DPY19L3: variants seen among roughly 807,000 people sequenced by gnomAD.
The protein encoded by DPY19L3 is dpy-19 like C-mannosyltransferase 3.
In DPY19L3, 51 loss-of-function variants were observed where a neutral mutation model predicts 92.3. That is an observed-to-expected ratio of 0.55 (90% confidence interval 0.44 to 0.70). The LOEUF (loss-of-function observed/expected upper bound fraction) is 0.70, where lower values mean the gene tolerates loss of function less well. DPY19L3 is among the 30% of genes least tolerant of loss of function. The pLI, the probability that DPY19L3 is intolerant of heterozygous loss-of-function variation, is 0.00. For synonymous variants in DPY19L3, 309 were observed against 315.2 expected (o/e 0.98, Z 0.21); for missense variants, 706 against 855.9 (o/e 0.82, Z 2.18).
At chr19:32,458,832 A>G (rs1175580943) in intron 12 of DPY19L3, among the ~76,000 whole-genome samples, 1 of 152,192 alleles carries the variant, frequency 6.6e-6, no homozygotes, top group Admixed American at 6.5e-5. Context: ...TCTACAGGAT[A>G]TTTGAGAAAT....
chr19:32,469,514 GAAAAA>G (rs1397834465), intron 16 of DPY19L3, among the ~76,000 whole-genome samples: 5 of 149,612 alleles, frequency 3.3e-5, no homozygotes, highest in African/African-American at 9.8e-5. Context: ...AAAAAAGAAA[GAAAAA>G]AGAAAAAATA....
chr19:32,416,865 C>G (rs1968395790), intron 3 of DPY19L3, among the ~76,000 whole-genome samples: 2 of 152,216 alleles, frequency 1.3e-5, no homozygotes, highest in African/African-American at 4.8e-5. Context: ...ATCTCCAGCC[C>G]TTTTCTGCTC....
At chr19:32,480,138 T>G (rs1458049098) in intron 17 of DPY19L3, among the ~76,000 whole-genome samples, 1 of 152,230 alleles carries the variant, frequency 6.6e-6, no homozygotes, top group African/African-American at 2.4e-5. Context: ...AATATAGTCC[T>G]GACTTGAAGT....
chr19:32,433,841 C>G (rs1969048553), intron 4 of DPY19L3, among the ~76,000 whole-genome samples: 1 of 152,162 alleles, frequency 6.6e-6, no homozygotes, highest in South Asian at 2.1e-4. Flanking sequence ...CCAGATTCAT[C>G]CATAATAAGG....
At position 32,436,541 on chromosome 19, in the gene DPY19L3, AT is replaced by A; in HGVS notation, c.428del (p.Leu143TyrfsTer11). The A allele has an allele frequency of 6.4e-7, 1 of 1,574,734 alleles. No homozygotes were observed. Among genetic ancestry groups the A allele is most frequent in the Admixed American group, 1.8e-5 (1 of 56,776 alleles). On this transcript the variant is annotated frameshift_variant, in exon 5 of 19. Transcript: ENST00000392250. LOFTEE classifies it high-confidence loss of function. ...TATTTACCAAGAGGTTTTTCTCAGT[AT>A]TTTATATAGAGTTCTACCCATACAG... is the stretch of plus-strand genomic sequence containing the variant. Reference protein sequence around the residue: ...MNIYQEVFLSILYRVLPIQKY... With the variant: ...MNIYQEVFLSXLYRVLPIQKY...
Position 32,464,745 on chromosome 19 carries a change from T to C in DPY19L3, c.1575T>C (p.Tyr525=), listed in dbSNP as rs768718542. The change falls in exon 15 of 19, where the codon TAT becomes TAC. Residue 525 remains tyrosine (Y), a synonymous_variant. Transcript: ENST00000392250. Reference sequence around the variant, plus strand: ...TTATATAGATATGTATAATGCGATATTCAGTACCGATATTAATACTGCTGT... The same window carrying C: ...TTATATAGATATGTATAATGCGATACTCAGTACCGATATTAATACTGCTGT... ...YNPKRICIMR[Y]SVPILILLYL... 1 of 1,523,060 alleles carries C rather than the reference T, an allele frequency of 6.6e-7. No homozygotes were observed. Among genetic ancestry groups the C allele is most frequent in the Non-Finnish European group, 8.9e-7 (1 of 1,120,990 alleles). The allele number at this position is 1,523,060 out of a possible 1,614,324, so 94.3% of individuals were successfully genotyped here.
chr19:32,420,067 C>T (rs1296756942), intron 3 of DPY19L3, among the ~76,000 whole-genome samples: 1 of 151,548 alleles, frequency 6.6e-6, no homozygotes, highest in Non-Finnish European at 1.5e-5. Flanking sequence ...ACCATCTTGG[C>T]CAGGATGGTC....
At chr19:32,430,663 C>G (rs2058003384) in intron 3 of DPY19L3, among the ~76,000 whole-genome samples, 1 of 151,854 alleles carries the variant, frequency 6.6e-6, no homozygotes, top group Non-Finnish European at 1.5e-5. Context: ...CTCTATCATC[C>G]AGGCTGGAGT....
intron 9 of DPY19L3, among the ~76,000 whole-genome samples, chr19:32,454,577 A>G (rs1969807213): frequency 6.6e-6 from 1 of 151,730 alleles, no homozygotes; most frequent in African/African-American, 2.4e-5. Flanking sequence ...CCGTCTCAAA[A>G]GAAAAAGAAA....
In DPY19L3 at chr19:32,485,059, A is replaced by C. The variant is rs1222617446; in HGVS notation, c.*2819A>C. On this transcript the variant is annotated 3_prime_UTR_variant, in exon 19 of 19. Coordinates refer to ENST00000392250, the MANE Select transcript of DPY19L3 (RefSeq NM_001172774.2). ...ATGTTATTGGTGTGATTTATGTGAGAAGTAGAACTGTAGTCATTGGACCCT... is the reference window on the plus strand; with the variant it reads ...ATGTTATTGGTGTGATTTATGTGAGCAGTAGAACTGTAGTCATTGGACCCT... 6.6e-6 allele frequency: 1 copy of C among 152,240 alleles called. No homozygotes were observed. Among genetic ancestry groups the C allele is most frequent in the Non-Finnish European group, 1.5e-5 (1 of 68,032 alleles). 9.4% of individuals were successfully genotyped at this position (152,240 alleles called of 1,614,324 possible).
chr19:32,469,893 G>A (rs1970306149), intron 16 of DPY19L3, among the ~76,000 whole-genome samples: 1 of 152,226 alleles, frequency 6.6e-6, no homozygotes, highest in African/African-American at 2.4e-5. Context: ...AAGCAGCAGT[G>A]TAATTATTCA....
At chr19:32,406,238 G>A (rs1320576264) in intron 1 of DPY19L3, 1 of 152,382 alleles carries the variant, frequency 6.6e-6, no homozygotes, top group African/African-American at 2.4e-5. Context: ...TGAACTTCCC[G>A]GCTGCCCCTG....
At chr19:32,479,609 C>A in intron 17 of DPY19L3, 1 of 438,632 alleles carries the variant, frequency 2.3e-6, no homozygotes, top group Admixed American at 2.5e-5. Context: ...AATCAGAAAT[C>A]TAGCACTCGA....
At chr19:32,449,961 A>G (rs1327882309) in intron 8 of DPY19L3, among the ~76,000 whole-genome samples, 1 of 152,234 alleles carries the variant, frequency 6.6e-6, no homozygotes. Flanking sequence ...GCTATTAGGA[A>G]AGTAAAAAGA....
At chr19:32,457,609 G>A (rs552308869) in intron 10 of DPY19L3, among the ~76,000 whole-genome samples, 126 of 152,268 alleles carry the variant, frequency 8.3e-4, no homozygotes, top group Non-Finnish European at 1.5e-3. Context: ...ACTCATATTT[G>A]TCTGTCCACC....
At position 32,482,481 on chromosome 19, in the gene DPY19L3, C is replaced by T. The variant is rs1006095815; in HGVS notation, c.*241C>T. ...CTTTAGCCTAAATGTTAACAACTTT[C>T]TAAGAGTGACCTAGAATTATGTTGT... is the stretch of plus-strand genomic sequence containing the variant. On this transcript the variant is annotated 3_prime_UTR_variant, in exon 19 of 19. Coordinates refer to ENST00000392250, the MANE Select transcript of DPY19L3 (RefSeq NM_001172774.2). 5 of 427,000 alleles carry T rather than the reference C, an allele frequency of 1.2e-5. No homozygotes were observed. The highest frequency in any genetic ancestry group is 2.1e-5 in the Non-Finnish European group (5 of 240,356). 26.5% of individuals were successfully genotyped at this position (427,000 alleles called of 1,614,324 possible).
At chr19:32,464,547 T>G (rs777596687) in intron 14 of DPY19L3, among the ~76,000 whole-genome samples, 181 bp from the exon 15 acceptor site, 7 of 152,074 alleles carry the variant, frequency 4.6e-5, no homozygotes, top group Non-Finnish European at 1.0e-4. Flanking sequence ...GGCAGAAGTG[T>G]TTAAAAAAGC....
intron 17 of DPY19L3, 39 bp from the exon 18 acceptor site, chr19:32,480,360 G>A: frequency 6.3e-7 from 1 of 1,583,870 alleles, no homozygotes. Flanking sequence ...TGGCAGTCAA[G>A]TAGCATTTGC....
rs1310797619 is a variant in DPY19L3 at position 32,482,136 on chromosome 19, T to G, written c.2047T>G (p.Phe683Val). ...TTTGAAACCTGCAGACCACCCTCGC[T>G]TCTGTGAAGAGATCAAAAGAAACCT... is the stretch of plus-strand genomic sequence containing the variant. The part of the protein sequence containing the change: ...PDLKPADHPR[F>V]CEEIKRNLPP... The change falls in exon 19 of 19, where the codon TTC (phenylalanine) becomes GTC (valine). Residue 683 changes from phenylalanine to valine, a missense_variant. Coordinates refer to ENST00000392250, the MANE Select transcript of DPY19L3 (RefSeq NM_001172774.2). The G allele has an allele frequency of 6.2e-7, 1 of 1,613,794 alleles. No homozygotes were observed. Among genetic ancestry groups the G allele is most frequent in the Admixed American group, 1.7e-5 (1 of 59,986 alleles).
Sources: allele counts gnomAD v4.1 joint callset (sites outside exome capture counted in the v4.1 genomes callset), GRCh38; gene constraint gnomAD v4.1.1; transcripts MANE v1.5; gene names NCBI Gene and HGNC (gene_info 2026-07-23, HGNC 2026-07-21).